RBFOX1: variants seen among roughly 807,000 people sequenced by gnomAD.
The protein encoded by RBFOX1 is RNA binding protein fox-1 homolog 1.
In RBFOX1, 8 loss-of-function variants were observed where a neutral mutation model predicts 57.7. The ratio of observed to expected loss-of-function variants is 0.14; its 90% confidence interval spans 0.08 to 0.25. The LOEUF is 0.25. Ranked by LOEUF, RBFOX1 falls within the 10% of genes least tolerant of loss-of-function variation. The pLI is 1.00. For missense variants in RBFOX1, 611 were observed against 548.5 expected (o/e 1.11, Z -1.14); for synonymous variants, 326 against 222.4 (o/e 1.47, Z -4.15).
At chr16:7,422,791 A>C (rs565503831) in intron 4 of RBFOX1, 1 of 152,272 alleles carries the variant, frequency 6.6e-6, no homozygotes, top group South Asian at 2.1e-4. Flanking sequence ...GTGATTAATA[A>C]CAAGGAGGAA....
At chr16:7,396,655 G>A (rs555656309) in intron 4 of RBFOX1, among the ~76,000 whole-genome samples, 3 of 152,274 alleles carry the variant, frequency 2.0e-5, no homozygotes, top group South Asian at 4.1e-4. Context: ...AACACAGCAG[G>A]TGGGCTGAGA....
At chr16:6,961,958 C>T (rs1197392814) in intron 3 of RBFOX1, among the ~76,000 whole-genome samples, 1 of 95,724 alleles carries the variant, frequency 1.0e-5, no homozygotes, top group African/African-American at 3.6e-5. Context: ...CTGTCTCATC[C>T]TGTGACTAAG....
intron 3 of RBFOX1, among the ~76,000 whole-genome samples, chr16:6,986,847 G>T (rs1035820159): frequency 2.8e-4 from 43 of 152,134 alleles, no homozygotes; most frequent in African/African-American, 1.0e-3. Flanking sequence ...CTTGGTTGAT[G>T]ATTTATTATA....
intron 2 of RBFOX1, among the ~76,000 whole-genome samples, chr16:6,645,875 G>C (rs532654346): frequency 1.3e-5 from 2 of 152,198 alleles, no homozygotes; most frequent in South Asian, 2.1e-4. Context: ...GTGAGGCTAA[G>C]CAAACTCGGC....
chr16:6,040,626 T>TA (rs2095426483), intron 1 of RBFOX1, among the ~76,000 whole-genome samples: 1 of 151,920 alleles, frequency 6.6e-6, no homozygotes, highest in Non-Finnish European at 1.5e-5. Context: ...GAGACAGTCT[T>TA]ACTCTGTTGC....
chr16:6,775,217 T>A (rs1240746171), intron 3 of RBFOX1, among the ~76,000 whole-genome samples: 1 of 146,668 alleles, frequency 6.8e-6, no homozygotes, highest in Non-Finnish European at 1.5e-5. Flanking sequence ...ACGCCTGTAG[T>A]CCCAGCTACT....
intron 3 of RBFOX1, among the ~76,000 whole-genome samples, chr16:6,825,038 C>G (rs1253646194): frequency 8.3e-6 from 1 of 120,882 alleles, no homozygotes; most frequent in Non-Finnish European, 1.6e-5. Flanking sequence ...GCTCTGTCAC[C>G]CAGGCTGGAA....
intron 4 of RBFOX1, among the ~76,000 whole-genome samples, chr16:7,305,002 C>T (rs1299690692): frequency 6.7e-6 from 1 of 148,698 alleles, no homozygotes; most frequent in African/African-American, 2.5e-5. Context: ...CGCATGGGAT[C>T]GCAGCATTTG....
At chr16:7,067,469 G>C (rs1419599927) in intron 4 of RBFOX1, among the ~76,000 whole-genome samples, 1 of 149,744 alleles carries the variant, frequency 6.7e-6, no homozygotes, top group Non-Finnish European at 1.5e-5. Flanking sequence ...TTATCATTCT[G>C]ATTGCAGTCA....
intron 1 of RBFOX1, among the ~76,000 whole-genome samples, chr16:5,420,811 C>T (rs981283047): frequency 2.6e-5 from 4 of 151,986 alleles, no homozygotes; most frequent in African/African-American, 7.3e-5. Context: ...CCTGGGATTC[C>T]AGGCATGAGC....
intron 3 of RBFOX1, among the ~76,000 whole-genome samples, chr16:6,706,231 C>G (rs1045082031): frequency 8.5e-5 from 13 of 152,194 alleles, no homozygotes; most frequent in Admixed American, 2.6e-4. Context: ...ACAGCAGTGG[C>G]TTTCCTGGTC....
chr16:6,646,892 G>A (rs979690924), intron 2 of RBFOX1, among the ~76,000 whole-genome samples: 1 of 152,094 alleles, frequency 6.6e-6, no homozygotes, highest in Non-Finnish European at 1.5e-5. Context: ...AGGAGACAGG[G>A]TGAGAAAAGG....
chr16:5,675,002 A>T (rs1278510445), intron 3 of RBFOX1, among the ~76,000 whole-genome samples: 1 of 152,094 alleles, frequency 6.6e-6, no homozygotes, highest in Admixed American at 6.5e-5. Context: ...TTAAAAAATT[A>T]GCCAGCCATG....
chr16:7,200,852 G>T (rs994683674), intron 4 of RBFOX1, among the ~76,000 whole-genome samples: 2 of 152,162 alleles, frequency 1.3e-5, no homozygotes, highest in African/African-American at 4.8e-5. Context: ...GCTGTTGTAT[G>T]ACATTATGTG....
intron 3 of RBFOX1, among the ~76,000 whole-genome samples, chr16:6,754,371 T>G (rs2075442090): frequency 6.6e-6 from 1 of 152,318 alleles, no homozygotes; most frequent in Non-Finnish European, 1.5e-5. Context: ...AAATTGGAAT[T>G]AAATTTATTT....
intron 3 of RBFOX1, among the ~76,000 whole-genome samples, chr16:6,881,594 A>G (rs2345828): frequency 0.79 from 120,138 of 152,086 alleles, 48,412 homozygotes; most frequent in African/African-American, 0.95. Context: ...ACTGGCTTAC[A>G]GCCCACTCTG....
intron 3 of RBFOX1, among the ~76,000 whole-genome samples, chr16:5,762,215 G>A (rs544508208): frequency 1.3e-5 from 2 of 152,100 alleles, no homozygotes; most frequent in Non-Finnish European, 2.9e-5. Flanking sequence ...TTGAAGCTGT[G>A]AATAAGCAGT....
At chr16:6,150,745 TTATC>T (rs987271196) in intron 1 of RBFOX1, among the ~76,000 whole-genome samples, 9 of 152,202 alleles carry the variant, frequency 5.9e-5, no homozygotes, top group African/African-American at 2.2e-4. Context: ...TGGGTCTTGT[TTATC>T]TATCTCTCTA....
chr16:5,467,101 A>G, intron 1 of RBFOX1: 1 of 1,223,494 alleles, frequency 8.2e-7, no homozygotes, highest in Non-Finnish European at 1.1e-6. Flanking sequence ...GAATGAATGA[A>G]TAAAACATTC....
Sources: gnomAD v4.1 joint callset for allele counts (sites outside exome capture counted in the v4.1 genomes callset) on GRCh38, gnomAD v4.1.1 for gene constraint, MANE v1.5 for transcripts, NCBI Gene and HGNC (gene_info 2026-07-23, HGNC 2026-07-21) for gene names.